ETV1: variants seen among roughly 807,000 people sequenced by gnomAD.
The protein encoded by ETV1 is ETS translocation variant 1.
A neutral mutation model predicts 62.3 loss-of-function variants in ETV1; 27 were observed. The observed-to-expected ratio is 0.43, with a 90% CI of 0.32 to 0.60. ETV1 has a LOEUF of 0.60. ETV1 is among the 20% of genes least tolerant of loss of function. ETV1 has a pLI of 0.06. For missense variants in ETV1, 605 were observed against 605.8 expected (o/e 1.00, Z 0.01); for synonymous variants, 222 against 199.6 (o/e 1.11, Z -0.94).
At chr7:13,924,252 G>A (rs941615000) in intron 9 of ETV1, among the ~76,000 whole-genome samples, 2 of 152,032 alleles carry the variant, frequency 1.3e-5, no homozygotes, top group African/African-American at 4.8e-5. Context: ...GAAAGAGCGA[G>A]GTCCAATGAG....
chr7:13,925,727 G>A (rs559192415), intron 9 of ETV1, among the ~76,000 whole-genome samples: 5 of 129,466 alleles, frequency 3.9e-5, no homozygotes, highest in East Asian at 2.2e-4. Flanking sequence ...CACTGCGCCC[G>A]GCTAATTTTT....
At chr7:13,927,699 C>A (rs538958833) in intron 9 of ETV1, among the ~76,000 whole-genome samples, 1 of 152,126 alleles carries the variant, frequency 6.6e-6, no homozygotes, top group East Asian at 1.9e-4. Context: ...ATGACATATA[C>A]ATATGTGTCA....
chr7:13,911,244 G>T lies in ETV1; in HGVS notation c.866C>A (p.Thr289Lys). Residue 289 changes from threonine to lysine, a missense_variant, in exon 10 of 14, where the codon ACA (threonine) becomes AAA (lysine). Around this residue, in one of 3 missense-constraint regions of ETV1, gnomAD observed 426 missense variants for 377.8 expected, o/e 1.13. Coordinates refer to ENST00000430479, the MANE Select transcript of ETV1 (RefSeq NM_004956.5). ...QEGFLAHPSR[T>K]EGCMFEKGPR... ...TTCAGTGGTGGACAACTTAACTTCT[G>T]TTCTGCTGGGATGAGCCAGGAAGCC... is the stretch of plus-strand genomic sequence containing the variant. 6.2e-7 allele frequency: 1 copy of T among 1,611,658 alleles called. No individual in the cohort carries two copies. The highest frequency in any genetic ancestry group is 8.5e-7 in the Non-Finnish European group (1 of 1,177,956).
At chr7:13,898,643 A>G (rs1180813610) in intron 13 of ETV1, among the ~76,000 whole-genome samples, 1 of 152,060 alleles carries the variant, frequency 6.6e-6, no homozygotes, top group Non-Finnish European at 1.5e-5. Flanking sequence ...TAATCTTCTA[A>G]TTTTCTATAT....
intron 9 of ETV1, among the ~76,000 whole-genome samples, chr7:13,918,219 G>T (rs1222884580): frequency 3.3e-5 from 5 of 152,048 alleles, no homozygotes; most frequent in African/African-American, 1.2e-4. Flanking sequence ...ATACTAGTAA[G>T]AAGTTCATTT....
At chr7:13,923,727 T>C (rs1785106051) in intron 9 of ETV1, among the ~76,000 whole-genome samples, 1 of 151,878 alleles carries the variant, frequency 6.6e-6, no homozygotes, top group Non-Finnish European at 1.5e-5. Context: ...GGGTGAATAA[T>C]GGATGGATTT....
chr7:13,952,986 A>G lies in ETV1; in HGVS notation c.236-13740T>C, dbSNP rs80188164. On this transcript the variant is annotated intron_variant, in intron 6 of 13. Coordinates refer to ENST00000430479, the MANE Select transcript of ETV1 (RefSeq NM_004956.5). Reference sequence around the variant, plus strand: ...GGAAACTGGTTCTTCCATCTGGAAAAAGGATAAGAACAGGGAAAGGAAGGC... The same window carrying G: ...GGAAACTGGTTCTTCCATCTGGAAAGAGGATAAGAACAGGGAAAGGAAGGC... Among the ~76,000 whole-genome samples the G allele has an allele frequency of 6.0e-3, 911 of 152,306 alleles. 9 individuals are homozygous for G. The highest frequency in any genetic ancestry group is 0.021 in the African/African-American group (857 of 41,562).
intron 7 of ETV1, among the ~76,000 whole-genome samples, chr7:13,936,955 T>C (rs1786873982): frequency 6.6e-6 from 1 of 152,046 alleles, no homozygotes; most frequent in African/African-American, 2.4e-5. Context: ...GGTGAGAGGA[T>C]CGCTTGAACT....
chr7:13,991,155 C>T (rs1782985328), upstream of ETV1: 1 of 152,224 alleles, frequency 6.6e-6, no homozygotes. Context: ...TGCATTTTAA[C>T]CCCGGCCAAG....
intron 9 of ETV1, among the ~76,000 whole-genome samples, chr7:13,913,916 GCT>G (rs1562604885): frequency 1.8e-5 from 2 of 108,912 alleles, no homozygotes; most frequent in African/African-American, 7.2e-5. Flanking sequence ...ACAGAGTCTC[GCT>G]CTGTCGCCCA....
Position 13,939,258 on chromosome 7 carries a change from A to G in ETV1, c.236-12T>C, listed in dbSNP as rs774221400. 1.1e-5 allele frequency: 18 copies of G among 1,597,432 alleles called. No homozygotes were observed. The Middle Eastern group carries it at 5.0e-4, about 44-fold the overall frequency. The stretch of plus-strand genomic sequence containing the variant: ...GCCATGAAAAGCCACTAGAAAAAAG[A>G]ACAAAAATATCCACAAAAATTAAAT... On this transcript the variant is annotated splice_polypyrimidine_tract_variant and intron_variant, in intron 6 of 13. Coordinates refer to ENST00000430479, the MANE Select transcript of ETV1 (RefSeq NM_004956.5).
At position 13,923,896 on chromosome 7, in the gene ETV1, G is replaced by A. The variant is rs528427093; in HGVS notation, c.802+7606C>T. Reference sequence around the variant, plus strand: ...AAAAATACAAAATTAGCCGGGCATGGTGGTGGCGCACGCCTGTGATCCCAG... The same window carrying A: ...AAAAATACAAAATTAGCCGGGCATGATGGTGGCGCACGCCTGTGATCCCAG... On this transcript the variant is annotated intron_variant, in intron 9 of 13. Coordinates refer to ENST00000430479, the MANE Select transcript of ETV1 (RefSeq NM_004956.5). Among the ~76,000 whole-genome samples, 4 of 152,140 alleles carry A rather than the reference G, an allele frequency of 2.6e-5. No homozygotes were observed. The South Asian group carries it at 8.3e-4, about 32-fold the overall frequency.
At chr7:13,953,849 A>G (rs1789105693) in intron 6 of ETV1, among the ~76,000 whole-genome samples, 1 of 152,292 alleles carries the variant, frequency 6.6e-6, no homozygotes, top group South Asian at 2.1e-4. Context: ...CCAGTGCTAC[A>G]AAAAAGAAAG....
rs1456620992 is a variant in ETV1, at chr7:13,988,227, C to A, written c.46-54G>T. ...AAGAATGTAAACCTCAGATCACACA[C>A]ACGCACACGCGCGCGCACACACACA... On this transcript the variant is annotated intron_variant, in intron 3 of 13. Coordinates refer to ENST00000430479, the MANE Select transcript of ETV1 (RefSeq NM_004956.5). 2.8e-6 allele frequency: 3 copies of A among 1,080,574 alleles called. No individual in the cohort carries two copies. In the African/African-American group the frequency reaches 5.4e-5, roughly 19 times the overall value. 66.9% of individuals were successfully genotyped at this position (1,080,574 alleles called of 1,614,324 possible).
rs781234355 is a variant in ETV1 at position 13,900,845 on chromosome 7, G to A, written c.1111-6C>T. ...ATGCCCCAACGTCGGGCCACCTGCC[G>A]CGAAACAGAATTACATTGTAGTGTT... On this transcript the variant is annotated splice_polypyrimidine_tract_variant and splice_region_variant and intron_variant, in intron 12 of 13. Transcript: ENST00000430479. 1.9e-5 allele frequency: 30 copies of A among 1,584,894 alleles called. No individual in the cohort carries two copies. Among genetic ancestry groups the A allele is most frequent in the African/African-American group, 2.7e-5 (2 of 74,324 alleles).
At chr7:13,920,857 T>C (rs1025170830) in intron 9 of ETV1, among the ~76,000 whole-genome samples, 1 of 152,198 alleles carries the variant, frequency 6.6e-6, no homozygotes, top group Non-Finnish European at 1.5e-5. Flanking sequence ...ATATGAGACA[T>C]GCTAAGCAAT....
At chr7:13,909,603 C>G in intron 11 of ETV1, 29 bp downstream of exon 11, 1 of 1,570,906 alleles carries the variant, frequency 6.4e-7, no homozygotes, top group Non-Finnish European at 8.7e-7. Context: ...TTAAAAAAAT[C>G]AGAACTTGAG....
chr7:13,937,790 CT>C (rs1012641102), intron 7 of ETV1, among the ~76,000 whole-genome samples: 16 of 152,158 alleles, frequency 1.1e-4, no homozygotes, highest in Non-Finnish European at 2.2e-4. Flanking sequence ...TACAAGAGAC[CT>C]TTTTTATAAA....
intron 6 of ETV1, among the ~76,000 whole-genome samples, chr7:13,942,093 G>A (rs1446893569): frequency 6.9e-6 from 1 of 145,416 alleles, no homozygotes; most frequent in African/African-American, 2.5e-5. Flanking sequence ...GCGCGATCTC[G>A]GCTCACTGCA....
Sources: gnomAD v4.1 joint callset for allele counts (sites outside exome capture counted in the v4.1 genomes callset) on GRCh38, gnomAD v4.1.1 for gene constraint, gnomAD v4.1.1 regional missense constraint, MANE v1.5 for transcripts, NCBI Gene and HGNC (gene_info 2026-07-23, HGNC 2026-07-21) for gene names.